MFN2: variants seen among roughly 807,000 people sequenced by gnomAD.
MFN2 encodes mitofusin-2.
A neutral mutation model predicts 87.5 loss-of-function variants in MFN2; 43 were observed. The observed-to-expected ratio is 0.49, with a 90% CI of 0.38 to 0.63. The LOEUF (loss-of-function observed/expected upper bound fraction) is 0.63, where lower values mean the gene tolerates loss of function less well. Among genes scored for constraint, MFN2 ranks in the 30% least tolerant of loss-of-function variants. The pLI, the probability that MFN2 is intolerant of heterozygous loss-of-function variation, is 0.00. For synonymous variants in MFN2, 337 were observed against 359.9 expected, an observed-to-expected ratio of 0.94 and a Z score of 0.72; for missense variants, 743 against 972.8, an observed-to-expected ratio of 0.76 and a Z score of 3.14.
chr1:12,000,636 A>G (rs1339652591), intron 8 of MFN2, among the ~76,000 whole-genome samples: 1 of 152,222 alleles, frequency 6.6e-6, no homozygotes, highest in African/African-American at 2.4e-5. Flanking sequence ...GGTGTCTACA[A>G]GAAGCTATTG....
rs1310066557 is a variant in MFN2, at chr1:12,009,446, G to A, written c.2070-146G>A. 6.3e-6 allele frequency: 7 copies of A among 1,115,066 alleles called. No homozygotes were observed. The African/African-American group carries it at 9.2e-5, about 15-fold the overall frequency. 69.1% of individuals were successfully genotyped at this position (1,115,066 alleles called of 1,614,324 possible). The stretch of plus-strand genomic sequence containing the variant: ...TATTCAGTCTCAGCAGGGTGTAGGA[G>A]ATTCTGCCAAACCAGGCCTGGCTCA... On this transcript the variant is annotated intron_variant, in intron 17 of 18. Transcript: ENST00000235329.
At chr1:12,005,021 C>G (rs1366937582) in intron 14 of MFN2, 94 bp downstream of exon 14, 3 of 969,318 alleles carry the variant, frequency 3.1e-6, no homozygotes, top group South Asian at 2.8e-5. Context: ...CTTTCCTTAT[C>G]TGTCACTTTT....
At position 11,998,975 on chromosome 1, in the gene MFN2, AC is replaced by A. The variant is rs766014723; in HGVS notation, c.709-10del. 6 of 1,613,938 alleles carry A rather than the reference AC, an allele frequency of 3.7e-6. No individual in the cohort carries two copies. In the South Asian group the frequency reaches 6.6e-5, roughly 18 times the overall value. ...CAAGCTCCTGCTCCACCGAGGTCTTACCCTTTATCTAGGAAAAGCACTTCTT... is the reference window on the plus strand; with the variant it reads ...CAAGCTCCTGCTCCACCGAGGTCTTACCTTTATCTAGGAAAAGCACTTCTT... On this transcript the variant is annotated splice_polypyrimidine_tract_variant and intron_variant, in intron 7 of 18. Transcript: ENST00000235329.
At chr1:12,008,947 C>T (rs371847158) in intron 17 of MFN2, among the ~76,000 whole-genome samples, 172 of 152,374 alleles carry the variant, frequency 1.1e-3, no homozygotes, top group African/African-American at 3.6e-3. Context: ...TCTGCAATCC[C>T]GGCACCTCGG....
intron 17 of MFN2, 88 bp from the exon 18 acceptor site, chr1:12,009,504 C>G (rs1639593840): frequency 6.3e-7 from 1 of 1,583,828 alleles, no homozygotes; most frequent in African/African-American, 1.3e-5. Context: ...ATAGACAGGC[C>G]CAGCTGCTCC....
At chr1:12,002,242 C>T in intron 11 of MFN2, 139 bp downstream of exon 11, 1 of 1,424,470 alleles carries the variant, frequency 7.0e-7, no homozygotes, top group South Asian at 1.2e-5. Flanking sequence ...CCCTGGCCAC[C>T]AGACCATGTT....
chr1:12,011,998 A>G lies in MFN2; in HGVS notation c.*433A>G, dbSNP rs1427702680. ...TGCAGCCCAGCACACCTGCAGGTGT[A>G]AGGGACGATTGGAGTTTCTTCCCAG... On this transcript the variant is annotated 3_prime_UTR_variant, in exon 19 of 19. Transcript: ENST00000235329. 4 of 228,950 alleles carry G rather than the reference A, an allele frequency of 1.7e-5. No individual in the cohort carries two copies. Among genetic ancestry groups the G allele is most frequent in the Non-Finnish European group, 3.6e-5 (4 of 112,526 alleles). The allele number at this position is 228,950 out of a possible 1,614,324, so 14.2% of individuals were successfully genotyped here.
At chr1:11,989,113 G>T in intron 2 of MFN2, 52 bp from the exon 3 acceptor site, 1 of 1,592,882 alleles carries the variant, frequency 6.3e-7, no homozygotes, top group Non-Finnish European at 8.6e-7. Flanking sequence ...TCCCTAGCAG[G>T]ATGTCCCGAG....
At chr1:12,002,288 G>C (rs1639212586) in intron 11 of MFN2, among the ~76,000 whole-genome samples, 185 bp downstream of exon 11, 1 of 152,252 alleles carries the variant, frequency 6.6e-6, no homozygotes, top group Non-Finnish European at 1.5e-5. Context: ...GAGGGCGGCT[G>C]GGTGCTTCAT....
chr1:12,001,928 T>C lies in MFN2; in HGVS notation c.1039-54T>C, dbSNP rs796220827. ...GCAGTGAAAACCAGAGTCTGGCCCT[T>C]GGTTGTAGGCCCCTGGTGGCCCCCA... On this transcript the variant is annotated intron_variant, in intron 10 of 18. Transcript: ENST00000235329. The C allele has an allele frequency of 1.9e-5, 30 of 1,614,058 alleles. No homozygotes were observed. In the African/African-American group the frequency reaches 3.7e-4, roughly 20 times the overall value.
At position 12,006,695 on chromosome 1, in the gene MFN2, T is replaced by C. The variant is rs1639433721; in HGVS notation, c.1872+2T>C. On this transcript the variant is annotated splice_donor_variant, in intron 16 of 18. Transcript: ENST00000235329. LOFTEE classifies it high-confidence loss of function. Reference sequence around the variant, plus strand: ...GGCATTCTTGTTGTTGGAGGAGTGGTCAGTGACCAGTTCTGCTCGGGAAGG... The same window carrying C: ...GGCATTCTTGTTGTTGGAGGAGTGGCCAGTGACCAGTTCTGCTCGGGAAGG... 6.2e-7 allele frequency: 1 copy of C among 1,613,558 alleles called. No homozygotes were observed.
intron 2 of MFN2, among the ~76,000 whole-genome samples, chr1:11,986,164 G>A (rs1055224125): frequency 1.3e-5 from 2 of 152,182 alleles, no homozygotes; most frequent in Admixed American, 6.5e-5. Context: ...TCTTTGGGAT[G>A]GTTAGTTACT....
At chr1:11,983,077 G>C (rs916637336) in intron 2 of MFN2, among the ~76,000 whole-genome samples, 1 of 151,908 alleles carries the variant, frequency 6.6e-6, no homozygotes, top group Non-Finnish European at 1.5e-5. Flanking sequence ...TTTTTTTTGA[G>C]ACAGAGTCTT....
At chr1:11,992,975 T>TTTTTA (rs1161440280) in intron 4 of MFN2, among the ~76,000 whole-genome samples, 6 of 151,122 alleles carry the variant, frequency 4.0e-5, no homozygotes, top group Non-Finnish European at 8.8e-5. Context: ...GACTTTTTTT[T>TTTTTA]TTTTATTTTC....
At chr1:12,010,036 C>T (rs1557537742) in intron 18 of MFN2, among the ~76,000 whole-genome samples, 3 of 152,160 alleles carry the variant, frequency 2.0e-5, no homozygotes, top group Non-Finnish European at 2.9e-5. Context: ...TGCTTGTAAT[C>T]CCAGCCACTC....
intron 4 of MFN2, 23 bp from the exon 5 acceptor site, chr1:11,996,133 T>C: frequency 6.2e-7 from 1 of 1,614,146 alleles, no homozygotes; most frequent in Non-Finnish European, 8.5e-7. Context: ...GTGGCTTTGC[T>C]GACAGCTGTT....
chr1:12,013,320 T>G lies in MFN2; in HGVS notation c.*1755T>G. 1 of 469,916 alleles carries G rather than the reference T, an allele frequency of 2.1e-6. No homozygotes were observed. Among genetic ancestry groups the G allele is most frequent in the Non-Finnish European group, 4.4e-6 (1 of 226,572 alleles). 29.1% of individuals were successfully genotyped at this position (469,916 alleles called of 1,614,324 possible). ...ATACCACTGAGGGAGAGACCCTTTC[T>G]GAAAGAAGTATGGCCAAAAGCACTT... On this transcript the variant is annotated 3_prime_UTR_variant, in exon 19 of 19. Coordinates refer to ENST00000235329, the MANE Select transcript of MFN2 (RefSeq NM_014874.4).
At position 12,004,478 on chromosome 1, in the gene MFN2, A is replaced by G. The variant is rs771887241; in HGVS notation, c.1288-31A>G. On this transcript the variant is annotated intron_variant, in intron 12 of 18. Coordinates refer to ENST00000235329, the MANE Select transcript of MFN2 (RefSeq NM_014874.4). This position sits in a 1 kb window ranked among gnomAD's most constrained non-coding sequence, Gnocchi z 4.2. ...CAGGAGTGAACTTTGGTCTTCCTTG[A>G]TACTTAACAGTGTGCTTCCTTTTGC... 18 of 1,595,728 alleles carry G rather than the reference A, an allele frequency of 1.1e-5. No individual in the cohort carries two copies. The highest frequency in any genetic ancestry group is 1.5e-5 in the Non-Finnish European group (18 of 1,163,406).
chr1:12,004,547 T>G lies in MFN2; in HGVS notation c.1326T>G (p.Ser442=). 6.2e-7 allele frequency: 1 copy of G among 1,614,202 alleles called. No individual in the cohort carries two copies. The highest frequency in any genetic ancestry group is 8.5e-7 in the Non-Finnish European group (1 of 1,180,020). ...TAMAEEIRRL[S]VLVDDYQMDF... The stretch of plus-strand genomic sequence containing the variant: ...TGGCCGAGGAGATCAGGCGCCTCTC[T>G]GTACTGGTGGACGATTACCAGATGG... The change falls in exon 13 of 19, where the codon TCT becomes TCG. Residue 442 remains serine, a synonymous_variant. Transcript: ENST00000235329. This position sits in a 1 kb window ranked among gnomAD's most constrained non-coding sequence, Gnocchi z 4.2.
Sources: gnomAD v4.1 joint callset for allele counts (sites outside exome capture counted in the v4.1 genomes callset) on GRCh38, gnomAD v4.1.1 for gene constraint, Gnocchi (gnomAD v3.1) non-coding constraint, MANE v1.5 for transcripts, NCBI Gene and HGNC (gene_info 2026-07-23, HGNC 2026-07-21) for gene names.